The following KLHL29 variants were observed in gnomAD, a reference collection of about 807,000 sequenced individuals.
KLHL29 encodes the protein kelch like family member 29.
A neutral mutation model predicts 80.4 loss-of-function variants in KLHL29; 21 were observed. The ratio of observed to expected loss-of-function variants is 0.26; its 90% CI spans 0.19 to 0.38. The LOEUF (loss-of-function observed/expected upper bound fraction) is 0.38. Ranked by LOEUF, KLHL29 falls within the 10% of genes least tolerant of loss-of-function variation. The pLI, the probability that KLHL29 is intolerant of heterozygous loss-of-function variation, is 1.00. For synonymous variants in KLHL29, 511 were observed against 526.8 expected (o/e 0.97, Z 0.41); for missense variants, 867 against 1,223.9 (o/e 0.71, Z 4.35).
intron 1 of KLHL29, among the ~76,000 whole-genome samples, chr2:23,390,629 A>G (rs1041802820): frequency 3.3e-5 from 5 of 151,022 alleles, no homozygotes; most frequent in South Asian, 2.1e-4. Flanking sequence ...GTTTAAAAAC[A>G]CATAAAATTT....
chr2:23,473,438 A>G (rs935756639), intron 1 of KLHL29, among the ~76,000 whole-genome samples: 2 of 152,148 alleles, frequency 1.3e-5, no homozygotes, highest in African/African-American at 4.8e-5. Context: ...AGACCTTTTC[A>G]TCAGCACATG....
intron 2 of KLHL29, among the ~76,000 whole-genome samples, chr2:23,546,409 A>T (rs998869715): frequency 2.6e-5 from 4 of 152,160 alleles, no homozygotes; most frequent in African/African-American, 7.2e-5. Flanking sequence ...GCAAGAGCTG[A>T]GCTGGAGGAG....
At chr2:23,665,165 G>A (rs1670519315) in intron 5 of KLHL29, among the ~76,000 whole-genome samples, 1 of 152,202 alleles carries the variant, frequency 6.6e-6, no homozygotes, top group Non-Finnish European at 1.5e-5. Flanking sequence ...TAGGAGTGAG[G>A]ACAGTGAGGC....
intron 1 of KLHL29, among the ~76,000 whole-genome samples, chr2:23,442,326 C>T (rs953944776): frequency 6.6e-6 from 1 of 152,102 alleles, no homozygotes; most frequent in African/African-American, 2.4e-5. Context: ...CTCCTGGGCT[C>T]AAGTGATCCT....
chr2:23,682,896 G>GT lies in KLHL29; in HGVS notation c.941-1503_941-1502insT, dbSNP rs1553355153. On this transcript the variant is annotated intron_variant, in intron 5 of 13. Transcript: ENST00000486442. The surrounding 1 kb of genome is among the most constrained non-coding windows in gnomAD (Gnocchi z 4.1). ...TTGGCGGGGTCAGTGATTCGGCCTT[G>GT]CCATGGCTCCCAGAGGGCAGGGCCC... is the stretch of plus-strand genomic sequence containing the variant. Among the ~76,000 whole-genome samples, 1 of 152,166 alleles carries GT rather than the reference G, an allele frequency of 6.6e-6. No homozygotes were observed. The highest frequency in any genetic ancestry group is 2.4e-5 in the African/African-American group (1 of 41,428).
chr2:23,568,375 G>C (rs1349601205), intron 3 of KLHL29, among the ~76,000 whole-genome samples: 1 of 152,200 alleles, frequency 6.6e-6, no homozygotes, highest in Non-Finnish European at 1.5e-5. Context: ...TGGCTCAGCT[G>C]ATCTCTGCTA....
intron 3 of KLHL29, among the ~76,000 whole-genome samples, chr2:23,634,178 AAGGC>A (rs1239915522): frequency 6.6e-6 from 1 of 152,214 alleles, no homozygotes; most frequent in East Asian, 1.9e-4. Context: ...TGCTTGGCAG[AAGGC>A]AGCCCCGCCA....
chr2:23,573,813 A>G (rs190434390), intron 3 of KLHL29, among the ~76,000 whole-genome samples: 31 of 152,244 alleles, frequency 2.0e-4, no homozygotes, highest in African/African-American at 6.7e-4. Context: ...TTGGGCCTTA[A>G]AGCCCCGGCC....
intron 1 of KLHL29, among the ~76,000 whole-genome samples, chr2:23,395,067 G>C (rs1414960042): frequency 6.6e-6 from 1 of 152,152 alleles, no homozygotes. Flanking sequence ...AGCCTTCCTT[G>C]GTCCTGGCAC....
At chr2:23,399,581 T>C (rs1485806442) in intron 1 of KLHL29, among the ~76,000 whole-genome samples, 1 of 152,232 alleles carries the variant, frequency 6.6e-6, no homozygotes, top group African/African-American at 2.4e-5. Flanking sequence ...TATTATTTTA[T>C]TTGAGGTGTG....
intron 2 of KLHL29, among the ~76,000 whole-genome samples, chr2:23,505,240 C>T (rs950148809): frequency 6.6e-6 from 1 of 152,190 alleles, no homozygotes; most frequent in Non-Finnish European, 1.5e-5. Context: ...TCTGAGAGCC[C>T]TGTGATGCAG....
At chr2:23,698,887 C>A (rs949927032) in intron 11 of KLHL29, among the ~76,000 whole-genome samples, 2 of 152,180 alleles carry the variant, frequency 1.3e-5, no homozygotes, top group African/African-American at 4.8e-5. Context: ...GTGCGATGTG[C>A]CATCATACTG....
intron 3 of KLHL29, among the ~76,000 whole-genome samples, chr2:23,591,551 C>A (rs1003967850): frequency 1.3e-5 from 2 of 151,386 alleles, no homozygotes; most frequent in Admixed American, 6.6e-5. Flanking sequence ...CTGCTCCTTA[C>A]CCCCCACAGC....
At chr2:23,455,673 A>G (rs4665212) in intron 1 of KLHL29, among the ~76,000 whole-genome samples, 30,919 of 142,046 alleles carry the variant, frequency 0.22, 5,010 homozygotes, top group African/African-American at 0.46. Context: ...GTGCAGTGGC[A>G]CCATCTCGGC....
rs1558343269 is a variant in KLHL29, at chr2:23,452,185, T to TAAA, written c.-153-23375_-153-23374insAAA. On this transcript the variant is annotated intron_variant, in intron 1 of 13. Coordinates refer to ENST00000486442, the MANE Select transcript of KLHL29 (RefSeq NM_052920.2). ...TCCCACCGTGCCCAGAAAAAAAAAT[T>TAAA]TTTTTCTTTTTTTTTTTTTAGAGAT... Among the ~76,000 whole-genome samples the TAAA allele has an allele frequency of 5.5e-3, 798 of 144,472 alleles. 8 individuals are homozygous for TAAA. The highest frequency in any genetic ancestry group is 0.019 in the African/African-American group (710 of 37,168). 94.8% of individuals were successfully genotyped at this position (144,472 alleles called of 152,430 possible).
At chr2:23,633,603 T>C (rs944929998) in intron 3 of KLHL29, among the ~76,000 whole-genome samples, 4 of 152,274 alleles carry the variant, frequency 2.6e-5, no homozygotes, top group Admixed American at 2.0e-4. Context: ...TCCCATGGTA[T>C]TGACTAGTAA....
intron 2 of KLHL29, among the ~76,000 whole-genome samples, chr2:23,510,743 A>G (rs1665744008): frequency 6.6e-6 from 1 of 152,128 alleles, no homozygotes; most frequent in African/African-American, 2.4e-5. Flanking sequence ...CCTAAGGGAG[A>G]CAAGTGGTGG....
chr2:23,642,493 C>A lies in KLHL29; in HGVS notation c.583C>A (p.Pro195Thr). The A allele has an allele frequency of 6.6e-7, 1 of 1,518,508 alleles. No individual in the cohort carries two copies. The highest frequency in any genetic ancestry group is 1.3e-5 in the South Asian group (1 of 79,834). The allele number at this position is 1,518,508 out of a possible 1,614,324, so 94.1% of individuals were successfully genotyped here. A position where few individuals can be genotyped will look rare whatever the true frequency, so the allele number is the denominator to read the frequency against. Reference protein sequence around the residue: ...VTPSLPPHVGPQLPLMPGHYS... With the variant: ...VTPSLPPHVGTQLPLMPGHYS... ...CCCCTCACTGCCTCCCCACGTGGGG[C>A]CCCAGCTCCCGCTGATGCCAGGCCA... The change falls in exon 5 of 14, where the codon CCC (proline) becomes ACC (threonine). Residue 195 changes from proline to threonine, a missense_variant. This residue lies in a region of KLHL29 where 424 missense variants were observed against 456.9 expected (regional missense o/e 0.93). Coordinates refer to ENST00000486442, the MANE Select transcript of KLHL29 (RefSeq NM_052920.2).
At chr2:23,514,326 G>A (rs1178796709) in intron 2 of KLHL29, among the ~76,000 whole-genome samples, 2 of 152,178 alleles carry the variant, frequency 1.3e-5, no homozygotes, top group African/African-American at 4.8e-5. Flanking sequence ...CTGGGCAGGG[G>A]AGGATAAGGA....
Sources: gnomAD v4.1 joint callset for allele counts (sites outside exome capture counted in the v4.1 genomes callset) on GRCh38, gnomAD v4.1.1 for gene constraint, gnomAD v4.1.1 regional missense constraint, Gnocchi (gnomAD v3.1) non-coding constraint, MANE v1.5 for transcripts, NCBI Gene and HGNC (gene_info 2026-07-23, HGNC 2026-07-21) for gene names.